The following COL25A1 variants were observed in gnomAD, a reference collection of about 807,000 sequenced individuals.
The protein encoded by COL25A1 is collagen alpha-1(XXV) chain.
In COL25A1, 103 loss-of-function variants were observed where a neutral mutation model predicts 128.4. The observed-to-expected ratio is 0.80, with a 90% CI of 0.68 to 0.94. The LOEUF is 0.94. COL25A1 is among the 40% of genes least tolerant of loss of function. The pLI, the probability that COL25A1 is intolerant of heterozygous loss-of-function variation, is 0.00. For synonymous variants in COL25A1, 279 were observed against 277.2 expected (o/e 1.01, Z -0.06); for missense variants, 745 against 840.0 (o/e 0.89, Z 1.40).
In COL25A1 at chr4:108,942,076, T is replaced by C. The variant is rs185064050; in HGVS notation, c.493-639A>G. On this transcript the variant is annotated intron_variant, in intron 8 of 37. Transcript: ENST00000399132. ...TTTGACCTCAATGATGCAAGTGGGG[T>C]CCCAAGTGCCCAGTAACTTGATATA... 8 of 762,546 alleles carry C rather than the reference T, an allele frequency of 1.0e-5. No homozygotes were observed. The East Asian group carries it at 2.2e-4, about 21-fold the overall frequency. The allele number at this position is 762,546 out of a possible 1,614,324, so 47.2% of individuals were successfully genotyped here.
intron 3 of COL25A1, among the ~76,000 whole-genome samples, chr4:109,117,833 T>G (rs1767749985): frequency 6.6e-6 from 1 of 151,890 alleles, no homozygotes; most frequent in Non-Finnish European, 1.5e-5. Flanking sequence ...TGTAGTGTAT[T>G]TAGAAAGTGG....
At chr4:109,290,500 C>T (rs1724361185) in intron 3 of COL25A1, among the ~76,000 whole-genome samples, 1 of 152,040 alleles carries the variant, frequency 6.6e-6, no homozygotes. Context: ...AAATTAAAAA[C>T]TTCCAGATGC....
chr4:109,225,923 C>T (rs935111317), intron 3 of COL25A1, among the ~76,000 whole-genome samples: 39 of 151,480 alleles, frequency 2.6e-4, no homozygotes, highest in East Asian at 1.2e-3. Context: ...ACTAGTCACA[C>T]GCTAGTTTGT....
chr4:109,027,711 T>C (rs1483177121), intron 5 of COL25A1, among the ~76,000 whole-genome samples: 1 of 151,710 alleles, frequency 6.6e-6, no homozygotes, highest in Non-Finnish European at 1.5e-5. Context: ...CAGTTTCTGG[T>C]TCAAGACTTG....
intron 3 of COL25A1, among the ~76,000 whole-genome samples, chr4:109,216,210 T>A (rs2051492692): frequency 6.6e-6 from 1 of 151,472 alleles, no homozygotes; most frequent in Admixed American, 6.6e-5. Flanking sequence ...TAGGAAAATG[T>A]CGGGCACACA....
At chr4:109,277,035 G>A (rs922497008) in intron 3 of COL25A1, among the ~76,000 whole-genome samples, 2 of 152,002 alleles carry the variant, frequency 1.3e-5, no homozygotes, top group African/African-American at 4.8e-5. Flanking sequence ...CATTGCTCCC[G>A]CCTGGAACTG....
chr4:109,157,964 A>T (rs1208740357), intron 3 of COL25A1, among the ~76,000 whole-genome samples: 1 of 152,206 alleles, frequency 6.6e-6, no homozygotes, highest in African/African-American at 2.4e-5. Flanking sequence ...ACAGCTCTAG[A>T]TGTGGAGCCA....
intron 3 of COL25A1, among the ~76,000 whole-genome samples, chr4:109,161,332 T>C (rs1244231243): frequency 1.3e-5 from 2 of 152,230 alleles, no homozygotes; most frequent in Non-Finnish European, 2.9e-5. Flanking sequence ...CAAAGAATTA[T>C]CTGTTCTGAA....
chr4:109,033,943 C>T (rs1472891623), intron 5 of COL25A1, among the ~76,000 whole-genome samples: 1 of 152,102 alleles, frequency 6.6e-6, no homozygotes, highest in Non-Finnish European at 1.5e-5. Flanking sequence ...CAAACTTCCT[C>T]TCAATTGTAT....
chr4:108,826,917 G>T (rs1310868754), intron 33 of COL25A1, among the ~76,000 whole-genome samples: 10 of 152,152 alleles, frequency 6.6e-5, no homozygotes, highest in Admixed American at 3.9e-4. Context: ...TGTCAATCTC[G>T]TGAAGTGCCT....
intron 3 of COL25A1, among the ~76,000 whole-genome samples, chr4:109,084,970 A>G (rs1369419425): frequency 6.6e-6 from 1 of 152,208 alleles, no homozygotes; most frequent in Non-Finnish European, 1.5e-5. Context: ...AAAGTCACCA[A>G]TAACTTTTCA....
intron 14 of COL25A1, among the ~76,000 whole-genome samples, chr4:108,900,878 T>G (rs1374324765): frequency 6.6e-6 from 1 of 152,100 alleles, no homozygotes; most frequent in Non-Finnish European, 1.5e-5. Context: ...TTTAAGTATC[T>G]CAGAATAAAG....
At chr4:109,073,474 C>G (rs1402889510) in intron 3 of COL25A1, among the ~76,000 whole-genome samples, 2 of 152,120 alleles carry the variant, frequency 1.3e-5, no homozygotes, top group Non-Finnish European at 2.9e-5. Context: ...ATAACACAAT[C>G]GCTGCAGATC....
chr4:109,058,158 A>G (rs1432655162), intron 3 of COL25A1, among the ~76,000 whole-genome samples: 1 of 152,202 alleles, frequency 6.6e-6, no homozygotes, highest in Non-Finnish European at 1.5e-5. Context: ...GACTTTAATG[A>G]GGTCTGATGT....
chr4:108,888,764 CA>C (rs1353839341), intron 18 of COL25A1, among the ~76,000 whole-genome samples: 10 of 152,128 alleles, frequency 6.6e-5, no homozygotes, highest in African/African-American at 2.4e-4. Flanking sequence ...GAAGCATTTG[CA>C]ATGATAGGAA....
At chr4:109,045,708 GT>G (rs143554860) in intron 5 of COL25A1, among the ~76,000 whole-genome samples, 1 of 151,708 alleles carries the variant, frequency 6.6e-6, no homozygotes, top group Non-Finnish European at 1.5e-5. Context: ...CATAATCAAT[GT>G]TTTTTTTCTC....
At chr4:109,237,283 A>G (rs1292516329) in intron 3 of COL25A1, among the ~76,000 whole-genome samples, 5 of 152,110 alleles carry the variant, frequency 3.3e-5, no homozygotes, top group African/African-American at 1.2e-4. Context: ...ATAACTGCTC[A>G]AATAAATGGC....
intron 25 of COL25A1, 27 bp downstream of exon 25, chr4:108,852,875 C>T (rs1280721417): frequency 1.2e-6 from 2 of 1,602,106 alleles, no homozygotes; most frequent in Non-Finnish European, 1.7e-6. Flanking sequence ...AAACCACAAA[C>T]CACAGAAAGC....
chr4:109,011,813 C>T (rs184719890), intron 5 of COL25A1, among the ~76,000 whole-genome samples: 7 of 152,332 alleles, frequency 4.6e-5, no homozygotes, highest in South Asian at 2.1e-4. Flanking sequence ...TCTTCAAGTG[C>T]TTAACACTCT....
Sources: gnomAD v4.1 joint callset for allele counts (sites outside exome capture counted in the v4.1 genomes callset) on GRCh38, gnomAD v4.1.1 for gene constraint, MANE v1.5 for transcripts, NCBI Gene and HGNC (gene_info 2026-07-23, HGNC 2026-07-21) for gene names.